DNAH12: variants seen among roughly 807,000 people sequenced by gnomAD.
DNAH12 encodes axonemal beta dynein heavy chain 12.
Under a neutral mutation model 371.5 loss-of-function variants are expected in DNAH12, and 285 were observed. The ratio of observed to expected loss-of-function variants is 0.77; its 90% CI spans 0.70 to 0.85. The LOEUF (loss-of-function observed/expected upper bound fraction) is 0.85, where lower values mean the gene tolerates loss of function less well. Among genes scored for constraint, DNAH12 ranks in the 40% least tolerant of loss-of-function variants. The pLI is 0.00. For missense variants in DNAH12, 3,611 were observed against 3,689.4 expected, an observed-to-expected ratio of 0.98 and a Z score of 0.55; for synonymous variants, 1,200 against 1,213.0, an observed-to-expected ratio of 0.99 and a Z score of 0.22.
At chr3:57,551,093 C>T in the DNAH12 span, among the ~76,000 whole-genome samples, 3 of 151,260 alleles carry the variant, frequency 2.0e-5, no homozygotes, top group South Asian at 6.3e-4. Flanking sequence ...GCCTCGATCT[C>T]CTGACCTTGT....
intron 34 of DNAH12, chr3:57,428,244 G>A (rs779052097): frequency 1.5e-6 from 1 of 677,180 alleles, no homozygotes; most frequent in Middle Eastern, 6.2e-4. Context: ...TAGCCATCAA[G>A]TTTGTGGCAA....
intron 42 of DNAH12, among the ~76,000 whole-genome samples, chr3:57,404,267 A>C (rs1361215548): frequency 6.6e-6 from 1 of 151,982 alleles, no homozygotes; most frequent in African/African-American, 2.4e-5. Flanking sequence ...TATAGTGGTA[A>C]ATATTCATTT....
At chr3:57,510,093 G>A (rs894835344) in intron 5 of DNAH12, among the ~76,000 whole-genome samples, 1 of 151,336 alleles carries the variant, frequency 6.6e-6, no homozygotes, top group Non-Finnish European at 1.5e-5. Flanking sequence ...ATTTTTATTT[G>A]TCAATTTTTA....
At chr3:57,387,567 A>G (rs1035959818) in intron 45 of DNAH12, among the ~76,000 whole-genome samples, 2 of 152,110 alleles carry the variant, frequency 1.3e-5, no homozygotes, top group Non-Finnish European at 2.9e-5. Flanking sequence ...TGCCCACCCA[A>G]TATCTACTAG....
chr3:57,501,590 A>T (rs2067548042), intron 10 of DNAH12, among the ~76,000 whole-genome samples, 178 bp from the exon 11 acceptor site: 1 of 152,220 alleles, frequency 6.6e-6, no homozygotes, highest in South Asian at 2.1e-4. Context: ...AAACCAAGTT[A>T]AACAGACATT....
intron 25 of DNAH12, among the ~76,000 whole-genome samples, chr3:57,448,223 T>C (rs1454782932): frequency 1.3e-5 from 2 of 152,184 alleles, no homozygotes; most frequent in Non-Finnish European, 2.9e-5. Context: ...AGTTTGTTCC[T>C]TCTGATGGTC....
intron 32 of DNAH12, among the ~76,000 whole-genome samples, chr3:57,431,313 C>G (rs1397712371): frequency 6.6e-6 from 1 of 152,218 alleles, no homozygotes; most frequent in African/African-American, 2.4e-5. Flanking sequence ...TACTATAACT[C>G]TGGCCTGATC....
rs756488105 is a variant in DNAH12 at position 57,293,975 on chromosome 3, GAA to G, written c.11693-6_11693-5del. On this transcript the variant is annotated splice_region_variant and splice_polypyrimidine_tract_variant and intron_variant, in intron 73 of 73. Transcript: ENST00000495027. The stretch of plus-strand genomic sequence containing the variant: ...TTTATAATCCGAGATTTTTGAGCTT[GAA>G]AAAAAAAAAGAAATATATTCACTTG... 41 of 1,058,862 alleles carry G rather than the reference GAA, an allele frequency of 3.9e-5. No individual in the cohort carries two copies. Among genetic ancestry groups the G allele is most frequent in the South Asian group, 2.4e-4 (10 of 41,072 alleles). 65.6% of individuals were successfully genotyped at this position (1,058,862 alleles called of 1,614,324 possible).
chr3:57,396,077 G>A (rs1474211026), intron 43 of DNAH12, among the ~76,000 whole-genome samples: 50 of 151,838 alleles, frequency 3.3e-4, no homozygotes, highest in Middle Eastern at 3.4e-3. Flanking sequence ...TTGGGAGTTC[G>A]AGACCAGCCT....
intron 62 of DNAH12, 145 bp downstream of exon 62, chr3:57,334,320 A>T: frequency 1.1e-6 from 1 of 895,786 alleles, no homozygotes. Flanking sequence ...CAGTAAACCC[A>T]CAGATCTAAA....
At chr3:57,555,934 G>A in the DNAH12 span, among the ~76,000 whole-genome samples, 13 of 152,218 alleles carry the variant, frequency 8.5e-5, no homozygotes, top group Admixed American at 2.6e-4. Context: ...AGGCCTCCAC[G>A]TCCTAGCGCA....
rs149974243 is a variant in DNAH12, at chr3:57,320,333, C to T, written c.10524+2010G>A. Among the ~76,000 whole-genome samples the T allele has an allele frequency of 2.9e-3, 443 of 152,182 alleles. 2 individuals are homozygous for T. The highest frequency in any genetic ancestry group is 0.01 in the African/African-American group (419 of 41,522). ...CTAGTAGGTACTCAATAAATATTTA[C>T]TAAATAAATAAGTGAAGATACAGAA... On this transcript the variant is annotated intron_variant, in intron 65 of 73. Transcript: ENST00000495027.
chr3:57,342,270 TTA>T (rs1305309105), intron 60 of DNAH12, among the ~76,000 whole-genome samples: 1 of 151,584 alleles, frequency 6.6e-6, no homozygotes, highest in African/African-American at 2.4e-5. Flanking sequence ...ATAAGTGGGA[TTA>T]TATCAAACTA....
chr3:57,409,481 A>C (rs1328378113), intron 39 of DNAH12, among the ~76,000 whole-genome samples: 1 of 152,190 alleles, frequency 6.6e-6, no homozygotes, highest in Non-Finnish European at 1.5e-5. Context: ...TAAATATATA[A>C]GTGTAAAATA....
chr3:57,545,163 T>C (rs1180603731), upstream of DNAH12, among the ~76,000 whole-genome samples: 1 of 60,616 alleles, frequency 1.6e-5, no homozygotes, highest in South Asian at 4.4e-4. Context: ...TAATGTGACT[T>C]TTTTTTTTTT....
chr3:57,551,997 C>T, the DNAH12 span, among the ~76,000 whole-genome samples: 2 of 149,942 alleles, frequency 1.3e-5, no homozygotes, highest in Non-Finnish European at 3.0e-5. Flanking sequence ...GTAATCCCAG[C>T]ACTTTGGGAG....
intron 2 of DNAH12, among the ~76,000 whole-genome samples, chr3:57,527,027 G>C (rs1368849569): frequency 2.0e-5 from 3 of 152,118 alleles, no homozygotes; most frequent in Non-Finnish European, 1.5e-5. Context: ...CAGAGACAGG[G>C]TTCCACCATG....
At chr3:57,403,622 C>T in intron 42 of DNAH12, 121 bp from the exon 43 acceptor site, 5 of 902,148 alleles carry the variant, frequency 5.5e-6, no homozygotes, top group Non-Finnish European at 7.7e-6. Flanking sequence ...TGTTACTATC[C>T]CAATTTTAAA....
chr3:57,445,085 C>T, intron 28 of DNAH12, 89 bp downstream of exon 28: 2 of 1,379,300 alleles, frequency 1.5e-6, no homozygotes, highest in Non-Finnish European at 1.9e-6. Flanking sequence ...TCAACCCTCT[C>T]AAGTGCCTAT....
Sources: gnomAD v4.1 joint callset for allele counts (sites outside exome capture counted in the v4.1 genomes callset) on GRCh38, gnomAD v4.1.1 for gene constraint, MANE v1.5 for transcripts, NCBI Gene and HGNC (gene_info 2026-07-23, HGNC 2026-07-21) for gene names.